ZNF33A: variants seen among roughly 807,000 people sequenced by gnomAD.
ZNF33A encodes the protein zinc finger protein 33A.
In ZNF33A, 9 loss-of-function variants were observed where a neutral mutation model predicts 15.9. The ratio of observed to expected loss-of-function variants is 0.57; its 90% CI spans 0.34 to 0.99. The LOEUF is 0.99. Among genes scored for constraint, ZNF33A ranks in the 50% least tolerant of loss-of-function variants. The pLI is 0.02. For missense variants in ZNF33A, 843 were observed against 941.6 expected (o/e 0.90, Z 1.37); for synonymous variants, 294 against 324.2 (o/e 0.91, Z 1.00).
intron 4 of ZNF33A, among the ~76,000 whole-genome samples, chr10:38,030,538 C>T (rs1375926277): frequency 5.9e-5 from 9 of 152,112 alleles, no homozygotes; most frequent in African/African-American, 2.2e-4. Context: ...CCTCCTACCC[C>T]CAATGTTTGG....
chr10:38,024,809 A>G (rs2064909122), intron 4 of ZNF33A, among the ~76,000 whole-genome samples: 1 of 152,272 alleles, frequency 6.6e-6, no homozygotes, highest in Non-Finnish European at 1.5e-5. Context: ...CACTGTTGTG[A>G]GTAGCATGAT....
chr10:38,060,485 C>T (rs2066643245), downstream of ZNF33A, among the ~76,000 whole-genome samples: 1 of 152,204 alleles, frequency 6.6e-6, no homozygotes, highest in East Asian at 1.9e-4. Context: ...CCTCCTTTTC[C>T]ACTCTGCTCC....
At chr10:38,026,720 A>G (rs1294912365) in intron 4 of ZNF33A, among the ~76,000 whole-genome samples, 1 of 152,214 alleles carries the variant, frequency 6.6e-6, no homozygotes, top group Non-Finnish European at 1.5e-5. Flanking sequence ...GTTTTCTTCT[A>G]AACATTTTAA....
chr10:38,022,262 A>G (rs551949353), intron 4 of ZNF33A, among the ~76,000 whole-genome samples: 4 of 152,180 alleles, frequency 2.6e-5, no homozygotes, highest in African/African-American at 4.8e-5. Context: ...ATAGAATGAG[A>G]TGACAAATCA....
downstream of ZNF33A, among the ~76,000 whole-genome samples, chr10:38,067,157 A>C (rs1251358359): frequency 6.6e-6 from 1 of 152,164 alleles, no homozygotes; most frequent in Non-Finnish European, 1.5e-5. Context: ...TACCAGGAAA[A>C]AGGCCCAATT....
chr10:38,056,068 T>C lies in ZNF33A; in HGVS notation c.1944T>C (p.His648=). ...ATGAGTGTGGAAAAGCTTTCTGCCATAAGTCAGCTCTAATTGTACATCAGA... is the reference window on the plus strand; with the variant it reads ...ATGAGTGTGGAAAAGCTTTCTGCCACAAGTCAGCTCTAATTGTACATCAGA... ...KCNECGKAFC[H]KSALIVHQRT... The change falls in exon 5 of 5, where the codon CAT becomes CAC. Residue 648 remains histidine (H), a synonymous_variant. Coordinates refer to ENST00000432900, the MANE Select transcript of ZNF33A (RefSeq NM_006954.2). 6.2e-7 allele frequency: 1 copy of C among 1,614,056 alleles called. No homozygotes were observed. The highest frequency in any genetic ancestry group is 8.5e-7 in the Non-Finnish European group (1 of 1,179,998).
At chr10:38,013,327 T>G (rs752973791) in intron 2 of ZNF33A, among the ~76,000 whole-genome samples, 1 of 152,014 alleles carries the variant, frequency 6.6e-6, no homozygotes, top group Non-Finnish European at 1.5e-5. Flanking sequence ...GCCAGGATGG[T>G]CTTGATATCT....
At chr10:38,013,478 A>G (rs1440898451) in intron 2 of ZNF33A, among the ~76,000 whole-genome samples, 1 of 151,662 alleles carries the variant, frequency 6.6e-6, no homozygotes, top group Non-Finnish European at 1.5e-5. Context: ...ACCAGGCTGT[A>G]GCACAGTGGT....
chr10:38,011,001 A>G (rs2064150646), intron 1 of ZNF33A, among the ~76,000 whole-genome samples: 1 of 152,032 alleles, frequency 6.6e-6, no homozygotes, highest in Non-Finnish European at 1.5e-5. Flanking sequence ...GTGTCGCCCC[A>G]TTTGTGGGGG....
intron 4 of ZNF33A, among the ~76,000 whole-genome samples, chr10:38,041,783 G>A (rs2065710754): frequency 6.6e-6 from 1 of 152,142 alleles, no homozygotes. Context: ...TTGATGCCAA[G>A]CATTTCAGAT....
At chr10:38,010,619 A>G (rs931878858), upstream of ZNF33A, 1 of 1,279,968 alleles carries the variant, frequency 7.8e-7, no homozygotes, top group Non-Finnish European at 1.1e-6. Context: ...GGGCGCCAAC[A>G]GCATCAAGCT....
In ZNF33A at chr10:38,048,317, T is replaced by C. The variant is rs192493467; in HGVS notation, c.251-6058T>C. ...ATAACATCAAATGTATTGTGGGTTT[T>C]ATAACATTTAAAATATATGACAAAC... is the stretch of plus-strand genomic sequence containing the variant. On this transcript the variant is annotated intron_variant, in intron 4 of 4. Coordinates refer to ENST00000432900, the MANE Select transcript of ZNF33A (RefSeq NM_006954.2). Among the ~76,000 whole-genome samples, 19 of 152,330 alleles carry C rather than the reference T, an allele frequency of 1.2e-4. No homozygotes were observed. In the South Asian group the frequency reaches 2.9e-3, roughly 23 times the overall value.
chr10:38,048,119 G>A (rs2066039117), intron 4 of ZNF33A, among the ~76,000 whole-genome samples: 1 of 152,140 alleles, frequency 6.6e-6, no homozygotes, highest in African/African-American at 2.4e-5. Flanking sequence ...GTTAAACAAA[G>A]CTGAAAGATT....
At chr10:38,066,090 C>T (rs1001034471), downstream of ZNF33A, among the ~76,000 whole-genome samples, 2 of 152,146 alleles carry the variant, frequency 1.3e-5, no homozygotes, top group African/African-American at 4.8e-5. Context: ...CTTCCTGAAA[C>T]TCAGAACCCT....
chr10:38,040,730 A>G (rs1009158168), intron 4 of ZNF33A, among the ~76,000 whole-genome samples: 4 of 152,124 alleles, frequency 2.6e-5, no homozygotes, highest in African/African-American at 9.7e-5. Flanking sequence ...CACACTTTTG[A>G]CAACCTGAGA....
chr10:38,044,920 G>A (rs2065886343), intron 4 of ZNF33A, among the ~76,000 whole-genome samples: 1 of 152,024 alleles, frequency 6.6e-6, no homozygotes, highest in Admixed American at 6.6e-5. Context: ...CACCTGCCTC[G>A]ACCTCCCAAA....
chr10:38,017,624 A>G (rs955985547), intron 4 of ZNF33A: 1 of 289,096 alleles, frequency 3.5e-6, no homozygotes, highest in African/African-American at 2.2e-5. Context: ...CCAATAGTTC[A>G]GTCTTTGCCC....
At chr10:38,011,157 A>C (rs1172354318) in intron 1 of ZNF33A, among the ~76,000 whole-genome samples, 5 of 152,236 alleles carry the variant, frequency 3.3e-5, no homozygotes, top group Admixed American at 2.0e-4. Flanking sequence ...CCAGACCGGC[A>C]GACTCGGTTG....
At chr10:38,029,694 A>G (rs901642856) in intron 4 of ZNF33A, among the ~76,000 whole-genome samples, 2 of 152,198 alleles carry the variant, frequency 1.3e-5, no homozygotes, top group African/African-American at 2.4e-5. Flanking sequence ...AAGAAACGGG[A>G]AAAATGTGAC....
Sources: allele counts gnomAD v4.1 joint callset (sites outside exome capture counted in the v4.1 genomes callset), GRCh38; gene constraint gnomAD v4.1.1; transcripts MANE v1.5; gene names NCBI Gene and HGNC (gene_info 2026-07-23, HGNC 2026-07-21).